The following RPGRIP1 variants were observed in gnomAD, a reference collection of about 807,000 sequenced individuals.
The protein encoded by RPGRIP1 is RPGR interacting protein 1.
Under a neutral mutation model 157.9 loss-of-function variants are expected in RPGRIP1, and 128 were observed. The ratio of observed to expected loss-of-function variants is 0.81; its 90% CI spans 0.70 to 0.94. RPGRIP1 has a LOEUF of 0.94. RPGRIP1 is among the 40% of genes least tolerant of loss of function. The pLI is 0.00. For missense variants in RPGRIP1, 1,486 were observed against 1,545.8 expected (o/e 0.96, Z 0.65); for synonymous variants, 554 against 571.6 (o/e 0.97, Z 0.44).
chr14:21,300,211 A>G (rs994156088), intron 3 of RPGRIP1, among the ~76,000 whole-genome samples: 1 of 151,436 alleles, frequency 6.6e-6, no homozygotes, highest in African/African-American at 2.4e-5. Flanking sequence ...AGGCTGAGGC[A>G]GGAGAATCGC....
In RPGRIP1 at chr14:21,303,530, G is replaced by T. The variant is rs780673799; in HGVS notation, c.787G>T (p.Ala263Ser). Residue 263 changes from alanine (A) to serine (S), a missense_variant, in exon 6 of 25, where the codon GCT becomes TCT. Physicochemically the swap from Ala to Ser is moderately conservative, Grantham distance 99 (BLOSUM62 1). Coordinates refer to ENST00000400017, the MANE Select transcript of RPGRIP1 (RefSeq NM_020366.4). Reference sequence around the variant, plus strand: ...AAGCTCATTGGAGTGTGCTCAGAAGGCTGCAGAGCTTCGGTAAGAGTGTGG... The same window carrying T: ...AAGCTCATTGGAGTGTGCTCAGAAGTCTGCAGAGCTTCGGTAAGAGTGTGG... ...QRSSLECAQKAAELRASIKEK... is the reference protein window; with the variant it reads ...QRSSLECAQKSAELRASIKEK... 9.8e-5 allele frequency: 158 copies of T among 1,613,220 alleles called. No individual in the cohort carries two copies. Among genetic ancestry groups the T allele is most frequent in the Non-Finnish European group, 1.3e-4 (155 of 1,179,532 alleles).
chr14:21,331,349 C>G (rs557297907), intron 20 of RPGRIP1, among the ~76,000 whole-genome samples: 272 of 151,874 alleles, frequency 1.8e-3, no homozygotes, highest in Non-Finnish European at 2.9e-3. Flanking sequence ...ATGATGAAAC[C>G]CCATCTACTA....
intron 23 of RPGRIP1, 58 bp downstream of exon 23, chr14:21,345,255 T>C: frequency 9.0e-6 from 12 of 1,334,638 alleles, no homozygotes; most frequent in Non-Finnish European, 1.2e-5. Flanking sequence ...AATTCAAAAG[T>C]TTGAGTTTGG....
At chr14:21,345,559 T>A (rs1885479942) in intron 23 of RPGRIP1, among the ~76,000 whole-genome samples, 1 of 151,792 alleles carries the variant, frequency 6.6e-6, no homozygotes. Context: ...TGTGCCACCA[T>A]GCCTGGCTAA....
chr14:21,281,697 A>T (rs1375104506), intron 1 of RPGRIP1, among the ~76,000 whole-genome samples: 1 of 117,944 alleles, frequency 8.5e-6, no homozygotes, highest in Non-Finnish European at 1.7e-5. Context: ...TCAAAAAAAA[A>T]AAAAATAAAT....
At chr14:21,302,697 A>G in intron 5 of RPGRIP1, 113 bp downstream of exon 5, 1 of 636,846 alleles carries the variant, frequency 1.6e-6, no homozygotes, top group Admixed American at 2.7e-5. Flanking sequence ...ATGATCAGGG[A>G]AGATGAAAGT....
intron 1 of RPGRIP1, among the ~76,000 whole-genome samples, chr14:21,287,405 A>G (rs1880338668): frequency 6.6e-6 from 1 of 152,208 alleles, no homozygotes; most frequent in Non-Finnish European, 1.5e-5. Flanking sequence ...AGAGCTCCCA[A>G]GTTTACATAG....
chr14:21,288,097 A>G (rs778521398), intron 2 of RPGRIP1, 36 bp downstream of exon 2: 3 of 1,341,040 alleles, frequency 2.2e-6, no homozygotes, highest in Non-Finnish European at 3.2e-6. Context: ...ACCTTTTAGA[A>G]TTAAAAGAAC....
At position 21,334,617 on chromosome 14, in the gene RPGRIP1, C is replaced by G; in HGVS notation, c.3251C>G (p.Ser1084Cys). The G allele has an allele frequency of 6.2e-7, 1 of 1,606,378 alleles. No homozygotes were observed. The highest frequency in any genetic ancestry group is 8.5e-7 in the Non-Finnish European group (1 of 1,176,712). Residue 1084 changes from serine (S) to cysteine (C), a missense_variant, in exon 21 of 25, where the codon TCT becomes TGT. Coordinates refer to ENST00000400017, the MANE Select transcript of RPGRIP1 (RefSeq NM_020366.4). ...PLHPVNDKESSEQGSEVSEAQ... is the reference protein window; with the variant it reads ...PLHPVNDKESCEQGSEVSEAQ... The stretch of plus-strand genomic sequence containing the variant: ...TCTTCTCTAGCAGACAAAGAATCCT[C>G]TGAACAAGGTTCTGAAGTCAGTGAA...
chr14:21,322,908 G>T (rs975153232), intron 14 of RPGRIP1, among the ~76,000 whole-genome samples: 8 of 152,160 alleles, frequency 5.3e-5, no homozygotes, highest in African/African-American at 9.7e-5. Flanking sequence ...TCTCAGGCTT[G>T]TTTGTCAAGA....
At chr14:21,344,571 G>C (rs770341413) in intron 22 of RPGRIP1, among the ~76,000 whole-genome samples, 2 of 152,188 alleles carry the variant, frequency 1.3e-5, no homozygotes, top group Non-Finnish European at 2.9e-5. Context: ...TATCACAAGT[G>C]AAAATTTGAG....
chr14:21,302,398 C>A, intron 4 of RPGRIP1, 90 bp from the exon 5 acceptor site: 1 of 629,062 alleles, frequency 1.6e-6, no homozygotes, highest in Non-Finnish European at 2.5e-6. Flanking sequence ...TCTCAAGACT[C>A]TATGCCCAGC....
At chr14:21,319,869 C>T (rs1322751818) in intron 11 of RPGRIP1, 148 bp from the exon 12 acceptor site, 6 of 802,780 alleles carry the variant, frequency 7.5e-6, no homozygotes, top group South Asian at 1.9e-5. Flanking sequence ...AGCTAGAGTC[C>T]TCCTCTGTAG....
At chr14:21,326,238 T>C in intron 17 of RPGRIP1, 65 bp downstream of exon 17, 1 of 1,087,350 alleles carries the variant, frequency 9.2e-7, no homozygotes, top group South Asian at 1.7e-5. Flanking sequence ...GTCCTGATTC[T>C]ACTTTTCTTT....
intron 2 of RPGRIP1, among the ~76,000 whole-genome samples, chr14:21,288,719 G>A (rs1880399578): frequency 6.6e-6 from 1 of 151,698 alleles, no homozygotes; most frequent in Non-Finnish European, 1.5e-5. Flanking sequence ...TCACCATGTT[G>A]GCCAGGCTGA....
chr14:21,333,421 T>C (rs1351281228), intron 20 of RPGRIP1, among the ~76,000 whole-genome samples: 2 of 152,226 alleles, frequency 1.3e-5, no homozygotes, highest in Admixed American at 1.3e-4. Flanking sequence ...TTTGAAATTT[T>C]ACAGAAGAGG....
intron 1 of RPGRIP1, among the ~76,000 whole-genome samples, chr14:21,281,312 A>G (rs530745070): frequency 3.4e-4 from 52 of 152,106 alleles, no homozygotes; most frequent in Non-Finnish European, 1.3e-4. Context: ...GTGAGCCACC[A>G]CACCTGCCCA....
intron 14 of RPGRIP1, 28 bp from the exon 15 acceptor site, chr14:21,324,590 C>T (rs781218037): frequency 4.6e-5 from 73 of 1,576,274 alleles, no homozygotes; most frequent in East Asian, 1.3e-4. Context: ...TACCCTTTAA[C>T]GGATAGGCAG....
intron 1 of RPGRIP1, among the ~76,000 whole-genome samples, chr14:21,282,260 C>T (rs1261994678): frequency 1.3e-5 from 2 of 151,588 alleles, no homozygotes; most frequent in Non-Finnish European, 2.9e-5. Flanking sequence ...TTTTTTAAGA[C>T]GGAGTCTTGC....
Sources: allele counts gnomAD v4.1 joint callset (sites outside exome capture counted in the v4.1 genomes callset), GRCh38; gene constraint gnomAD v4.1.1; transcripts MANE v1.5; gene names NCBI Gene and HGNC (gene_info 2026-07-23, HGNC 2026-07-21).